The following PTK2B variants were observed in gnomAD, a reference collection of about 807,000 sequenced individuals.
PTK2B encodes protein-tyrosine kinase 2-beta.
Under a neutral mutation model 142.9 loss-of-function variants are expected in PTK2B, and 71 were observed. The observed-to-expected ratio is 0.50, with a 90% CI of 0.41 to 0.61. PTK2B has a LOEUF of 0.61. Ranked by LOEUF, PTK2B falls within the 20% of genes least tolerant of loss-of-function variation. PTK2B has a pLI of 0.00. For synonymous variants in PTK2B, 519 were observed against 503.4 expected, an observed-to-expected ratio of 1.03 and a Z score of -0.42; for missense variants, 1,105 against 1,320.4, an observed-to-expected ratio of 0.84 and a Z score of 2.53.
chr8:27,381,283 GTCC>G (rs1807002801), intron 1 of PTK2B, among the ~76,000 whole-genome samples: 1 of 152,118 alleles, frequency 6.6e-6, no homozygotes, highest in Non-Finnish European at 1.5e-5. Flanking sequence ...TTAGCACTTA[GTCC>G]TCCTATCTAG....
rs1328477803 is a variant in PTK2B at position 27,434,550 on chromosome 8, T to G, written c.1183T>G (p.Cys395Gly). 1 of 1,605,450 alleles carries G rather than the reference T, an allele frequency of 6.2e-7. No homozygotes were observed. Reference sequence around the variant, plus strand: ...CCGGCGGTCCCACCTCTCAGAGAGCTGCAGCATAGGTGAGCTGCCCGCTGC... The same window carrying G: ...CCGGCGGTCCCACCTCTCAGAGAGCGGCAGCATAGGTGAGCTGCCCGCTGC... ...EARRSHLSES[C>G]SIESDIYAEI... Residue 395 changes from cysteine (C) to glycine (G), a missense_variant, in exon 13 of 31, where the codon TGC (cysteine) becomes GGC (glycine). Physicochemically the swap from Cys to Gly is radical, Grantham distance 159. Transcript: ENST00000346049.
Position 27,405,309 on chromosome 8 carries a change from C to T in PTK2B, c.204+7521C>T, listed in dbSNP as rs534564372. Among the ~76,000 whole-genome samples, 9 of 152,278 alleles carry T rather than the reference C, an allele frequency of 5.9e-5. No individual in the cohort carries two copies. The East Asian group carries it at 1.4e-3, about 23-fold the overall frequency. Reference sequence around the variant, plus strand: ...GTCTCAGGCACACAGGCCATTGGCTCAGGTTCTCTGTATCTGGAACAATCT... The same window carrying T: ...GTCTCAGGCACACAGGCCATTGGCTTAGGTTCTCTGTATCTGGAACAATCT... On this transcript the variant is annotated intron_variant, in intron 2 of 30. Transcript: ENST00000346049.
chr8:27,405,596 C>T (rs565456860), intron 2 of PTK2B, among the ~76,000 whole-genome samples: 1 of 152,328 alleles, frequency 6.6e-6, no homozygotes, highest in East Asian at 1.9e-4. Context: ...TGCACCCCCT[C>T]CCTGTTTCCT....
chr8:27,329,118 A>G (rs1586086187), intron 1 of PTK2B, among the ~76,000 whole-genome samples: 1 of 152,008 alleles, frequency 6.6e-6, no homozygotes, highest in Admixed American at 6.6e-5. Flanking sequence ...TTGTATTTTT[A>G]GTAGAGACGG....
chr8:27,445,815 A>G lies in PTK2B; in HGVS notation c.2236A>G (p.Ser746Gly). ...ATAGGTTCCTGAGGGTCTGTGTGCCAGCTCTCCTACGCTCACCAGCCCTAT... is the reference window on the plus strand; with the variant it reads ...ATAGGTTCCTGAGGGTCTGTGTGCCGGCTCTCCTACGCTCACCAGCCCTAT... ...QFQVPEGLCA[S>G]SPTLTSPMEY... The change falls in exon 24 of 31, where the codon AGC becomes GGC. Residue 746 changes from serine (S) to glycine (G), a missense_variant. By Grantham distance (56) the Ser-to-Gly change is moderately conservative. Coordinates refer to ENST00000346049, the MANE Select transcript of PTK2B (RefSeq NM_173176.3). 6.2e-7 allele frequency: 1 copy of G among 1,613,956 alleles called. No homozygotes were observed. The highest frequency in any genetic ancestry group is 8.5e-7 in the Non-Finnish European group (1 of 1,180,026).
chr8:27,427,273 C>T (rs1046120150), intron 5 of PTK2B, among the ~76,000 whole-genome samples: 1 of 152,196 alleles, frequency 6.6e-6, no homozygotes, highest in South Asian at 2.1e-4. Context: ...TCCCATCAAG[C>T]CAGCCTAAGG....
chr8:27,443,116 C>G, intron 22 of PTK2B, 133 bp downstream of exon 22: 1 of 622,652 alleles, frequency 1.6e-6, no homozygotes, highest in South Asian at 1.9e-5. Flanking sequence ...CAGCATCCAC[C>G]ATCACTGTCA....
intron 30 of PTK2B, among the ~76,000 whole-genome samples, chr8:27,457,163 T>C (rs1340262220): frequency 6.6e-6 from 1 of 152,214 alleles, no homozygotes; most frequent in Admixed American, 6.5e-5. Flanking sequence ...CTTTCATAGC[T>C]AGAGGAGAAG....
chr8:27,313,639 A>G (rs1803031712), intron 3 of PTK2B, among the ~76,000 whole-genome samples: 1 of 152,108 alleles, frequency 6.6e-6, no homozygotes, highest in South Asian at 2.1e-4. Context: ...AGCATGCACC[A>G]TGTGCTTAGG....
intron 1 of PTK2B, among the ~76,000 whole-genome samples, chr8:27,328,285 T>G (rs1300292879): frequency 6.6e-6 from 1 of 152,212 alleles, no homozygotes; most frequent in Non-Finnish European, 1.5e-5. Context: ...GCTGTCATGA[T>G]TCCCAGTTTT....
intron 1 of PTK2B, among the ~76,000 whole-genome samples, chr8:27,395,153 T>C (rs968828138): frequency 6.6e-6 from 1 of 152,198 alleles, no homozygotes; most frequent in Admixed American, 6.5e-5. Flanking sequence ...TCACATAATC[T>C]TTATTATCAT....
intron 7 of PTK2B, 55 bp from the exon 8 acceptor site, chr8:27,430,821 G>GTCTCT: frequency 6.3e-7 from 1 of 1,589,086 alleles, no homozygotes; most frequent in South Asian, 1.1e-5. Context: ...CCTAAGGGAA[G>GTCTCT]GAGTGAGACC....
intron 1 of PTK2B, among the ~76,000 whole-genome samples, chr8:27,330,340 C>A (rs1184026576): frequency 6.6e-6 from 1 of 152,212 alleles, no homozygotes; most frequent in Non-Finnish European, 1.5e-5. Flanking sequence ...TATAGGTCCT[C>A]TTCTGCGAGG....
At chr8:27,437,300 A>C in intron 16 of PTK2B, 94 bp downstream of exon 16, 1 of 1,544,728 alleles carries the variant, frequency 6.5e-7, no homozygotes, top group Admixed American at 1.7e-5. Context: ...ATGTTGGAGG[A>C]GGGGTTCCCG....
chr8:27,349,380 C>T (rs1189777092), intron 1 of PTK2B, among the ~76,000 whole-genome samples: 6 of 152,302 alleles, frequency 3.9e-5, no homozygotes, highest in South Asian at 2.1e-4. Flanking sequence ...AATAGAACCC[C>T]GTAATAAACC....
intron 1 of PTK2B, among the ~76,000 whole-genome samples, chr8:27,338,309 G>A (rs545602461): frequency 6.6e-6 from 1 of 152,092 alleles, no homozygotes; most frequent in South Asian, 2.1e-4. Flanking sequence ...TTAAGGTTAT[G>A]CCCTCAAAAA....
chr8:27,391,974 T>C (rs2131325178), intron 1 of PTK2B, among the ~76,000 whole-genome samples: 1 of 152,290 alleles, frequency 6.6e-6, no homozygotes, highest in East Asian at 1.9e-4. Flanking sequence ...GCTCCGACGG[T>C]CTGGGGCAGA....
intron 23 of PTK2B, among the ~76,000 whole-genome samples, chr8:27,445,426 C>A (rs1356722527): frequency 6.6e-6 from 1 of 152,166 alleles, no homozygotes; most frequent in Non-Finnish European, 1.5e-5. Context: ...TTTTAAAAAA[C>A]AATTCATACA....
chr8:27,379,134 G>T (rs1391567041), intron 1 of PTK2B, among the ~76,000 whole-genome samples: 26 of 152,134 alleles, frequency 1.7e-4, no homozygotes, highest in Admixed American at 1.7e-3. Flanking sequence ...TTCTTTTCAG[G>T]CTTAGGTCTA....
Sources: gnomAD v4.1 joint callset for allele counts (sites outside exome capture counted in the v4.1 genomes callset) on GRCh38, gnomAD v4.1.1 for gene constraint, MANE v1.5 for transcripts, NCBI Gene and HGNC (gene_info 2026-07-23, HGNC 2026-07-21) for gene names.